Variants in KIT observed in about 807,000 individuals in gnomAD.
KIT encodes KIT proto-oncogene, receptor tyrosine kinase, also known as mast/stem cell growth factor receptor Kit.
Under a neutral mutation model 105.7 loss-of-function variants are expected in KIT, and 16 were observed. That is an observed-to-expected ratio of 0.15 (90% confidence interval 0.10 to 0.23). The LOEUF is 0.23. KIT is among the 10% of genes least tolerant of loss of function. KIT has a pLI of 1.00. For synonymous variants in KIT, 438 were observed against 441.1 expected (o/e 0.99, Z 0.09); for missense variants, 858 against 1,213.8 (o/e 0.71, Z 4.36).
At chr4:54,686,504 C>T (rs1240180855) in intron 1 of KIT, among the ~76,000 whole-genome samples, 1 of 152,158 alleles carries the variant, frequency 6.6e-6, no homozygotes, top group African/African-American at 2.4e-5. Context: ...GAGATGATGT[C>T]AATCAGTTAC....
In KIT at chr4:54,731,399, A is replaced by G. The variant is rs1578000525; in HGVS notation, c.2213A>G (p.Lys738Arg). ...VSYVVPTKAD[K>R]RRSVRIGSYI... ...TATGTTGTCCCAACCAAGGCCGACA[A>G]AAGGAGATCTGTGAGAATAGGTGAG... The change falls in exon 15 of 21, where the codon AAA becomes AGA. Residue 738 changes from lysine (K) to arginine (R), a missense_variant. Transcript: ENST00000288135. The G allele has an allele frequency of 1.9e-6, 3 of 1,612,868 alleles. No homozygotes were observed. Among genetic ancestry groups the G allele is most frequent in the Admixed American group, 3.3e-5 (2 of 59,972 alleles).
intron 1 of KIT, among the ~76,000 whole-genome samples, chr4:54,660,793 A>G (rs189639884): frequency 1.3e-5 from 2 of 152,294 alleles, no homozygotes; most frequent in African/African-American, 4.8e-5. Flanking sequence ...GCCCAGCTCT[A>G]TAGCCATTCA....
intron 1 of KIT, among the ~76,000 whole-genome samples, chr4:54,688,689 A>G (rs1455812900): frequency 6.6e-6 from 1 of 152,226 alleles, no homozygotes; most frequent in African/African-American, 2.4e-5. Flanking sequence ...CACTGCACCT[A>G]GAATTGCAGT....
At chr4:54,729,993 T>A (rs1203593531) in intron 14 of KIT, among the ~76,000 whole-genome samples, 2 of 152,210 alleles carry the variant, frequency 1.3e-5, no homozygotes, top group African/African-American at 4.8e-5. Flanking sequence ...CTCTTGCCCT[T>A]TTTATTTCAT....
intron 4 of KIT, among the ~76,000 whole-genome samples, chr4:54,700,088 C>T (rs1720360777): frequency 6.6e-6 from 1 of 152,140 alleles, no homozygotes; most frequent in Non-Finnish European, 1.5e-5. Flanking sequence ...TGCATGAATA[C>T]TTTGATTTAA....
intron 4 of KIT, among the ~76,000 whole-genome samples, chr4:54,700,635 CA>C (rs1333403738): frequency 6.6e-6 from 1 of 152,188 alleles, no homozygotes; most frequent in Middle Eastern, 3.2e-3. Flanking sequence ...CCCATGCAAG[CA>C]TTATATTGGA....
At chr4:54,680,955 C>A (rs893747294) in intron 1 of KIT, among the ~76,000 whole-genome samples, 1 of 152,068 alleles carries the variant, frequency 6.6e-6, no homozygotes, top group Non-Finnish European at 1.5e-5. Flanking sequence ...GGAGGATCTG[C>A]TCGGAGGTGA....
At position 54,723,607 on chromosome 4, in the gene KIT, G is replaced by A. The variant is rs752354428; in HGVS notation, c.1255G>A (p.Asp419Asn). ...AGCAAAACCAGAAATCCTGACTTACGACAGGCTCGTGAATGGCATGCTCCA... is the reference window on the plus strand; with the variant it reads ...AGCAAAACCAGAAATCCTGACTTACAACAGGCTCGTGAATGGCATGCTCCA... Reference protein sequence around the residue: ...VNTKPEILTYDRLVNGMLQCV... With the variant: ...VNTKPEILTYNRLVNGMLQCV... The change falls in exon 8 of 21, where the codon GAC becomes AAC. Residue 419 changes from aspartate (D) to asparagine (N), a missense_variant. This residue lies in a region of KIT where 401 missense variants were observed against 601.0 expected (regional missense o/e 0.67). Transcript: ENST00000288135. 4.3e-6 allele frequency: 7 copies of A among 1,613,902 alleles called. No homozygotes were observed. The highest frequency in any genetic ancestry group is 2.2e-5 in the South Asian group (2 of 91,062).
intron 1 of KIT, among the ~76,000 whole-genome samples, chr4:54,671,700 A>G (rs1718121557): frequency 1.3e-5 from 2 of 152,200 alleles, no homozygotes; most frequent in South Asian, 4.1e-4. Context: ...TGCCTTCTAG[A>G]GTATTCCCTG....
At chr4:54,709,641 C>T (rs561733056) in intron 7 of KIT, 102 bp downstream of exon 7, 126 of 769,142 alleles carry the variant, frequency 1.6e-4, no homozygotes, top group Non-Finnish European at 2.5e-4. Flanking sequence ...ATGTAAATAA[C>T]GTTTCATGAT....
intron 7 of KIT, among the ~76,000 whole-genome samples, chr4:54,718,963 G>A (rs1309920293): frequency 6.6e-6 from 1 of 151,986 alleles, no homozygotes; most frequent in East Asian, 1.9e-4. Context: ...TATTATAATG[G>A]TATTATGGCA....
At chr4:54,725,462 A>G (rs986194453) in intron 8 of KIT, among the ~76,000 whole-genome samples, 1 of 152,050 alleles carries the variant, frequency 6.6e-6, no homozygotes, top group African/African-American at 2.4e-5. Context: ...CCATTCGTGT[A>G]CCCTTTTGAA....
chr4:54,676,511 C>T (rs956344679), intron 1 of KIT, among the ~76,000 whole-genome samples: 15 of 152,156 alleles, frequency 9.9e-5, no homozygotes, highest in East Asian at 3.9e-4. Context: ...ATATGAGTTT[C>T]GGTTAGTCCA....
rs774405431 is a variant in KIT, at chr4:54,736,807, G to A, written c.2683G>A (p.Ala895Thr). ...EGFRMLSPEH[A>T]PAEMYDIMKT... ...CTTCCGGATGCTCAGCCCTGAACAC[G>A]CACCTGCTGAAATGTAAGAGCCAAA... The change falls in exon 19 of 21, where the codon GCA becomes ACA. Residue 895 changes from alanine (A) to threonine (T), a missense_variant. Coordinates refer to ENST00000288135, the MANE Select transcript of KIT (RefSeq NM_000222.3). 1.7e-5 allele frequency: 27 copies of A among 1,613,772 alleles called. No individual in the cohort carries two copies. The highest frequency in any genetic ancestry group is 1.1e-4 in the African/African-American group (8 of 74,908).
At chr4:54,725,795 G>A (rs2109767359) in intron 8 of KIT, 62 bp from the exon 9 acceptor site, 1 of 1,416,068 alleles carries the variant, frequency 7.1e-7, no homozygotes, top group Non-Finnish European at 9.9e-7. Context: ...CACATCCCAA[G>A]TGTTTTATGT....
chr4:54,715,141 A>C (rs955786744), intron 7 of KIT, among the ~76,000 whole-genome samples: 1 of 152,194 alleles, frequency 6.6e-6, no homozygotes, highest in African/African-American at 2.4e-5. Context: ...CAGCCAAAGC[A>C]ATAAATCACC....
chr4:54,671,936 G>A (rs1442096697), intron 1 of KIT, among the ~76,000 whole-genome samples: 2 of 152,070 alleles, frequency 1.3e-5, no homozygotes, highest in Non-Finnish European at 2.9e-5. Context: ...AATATTTTCA[G>A]TATGTAGTCC....
chr4:54,683,298 T>C (rs905843261), intron 1 of KIT, among the ~76,000 whole-genome samples: 1 of 152,234 alleles, frequency 6.6e-6, no homozygotes, highest in Non-Finnish European at 1.5e-5. Context: ...TCTACCAGTA[T>C]ATATTTTCCC....
chr4:54,676,496 G>C (rs571244221), intron 1 of KIT, among the ~76,000 whole-genome samples: 8 of 152,324 alleles, frequency 5.3e-5, no homozygotes, highest in African/African-American at 1.9e-4. Context: ...GACTAAGAAA[G>C]ATAGATATGA....
Sources: gnomAD v4.1 joint callset for allele counts (sites outside exome capture counted in the v4.1 genomes callset) on GRCh38, gnomAD v4.1.1 for gene constraint, gnomAD v4.1.1 regional missense constraint, MANE v1.5 for transcripts, NCBI Gene and HGNC (gene_info 2026-07-23, HGNC 2026-07-21) for gene names.